The following HMG20B variants were observed in gnomAD, a reference collection of about 807,000 sequenced individuals.
HMG20B encodes the protein high mobility group 20B, also known as SWI/SNF-related matrix-associated actin-dependent regulator of chromatin subfamily E member 1-related.
In HMG20B, 24 loss-of-function variants were observed where a neutral mutation model predicts 41.6. The ratio of observed to expected loss-of-function variants is 0.58; its 90% CI spans 0.42 to 0.81. The LOEUF is 0.81. Ranked by LOEUF, HMG20B falls within the 30% of genes least tolerant of loss-of-function variation. HMG20B has a pLI of 0.00. For synonymous variants in HMG20B, 251 were observed against 186.6 expected (o/e 1.34, Z -2.81); for missense variants, 461 against 444.0 (o/e 1.04, Z -0.34).
At position 3,574,490 on chromosome 19, in the gene HMG20B, C is replaced by G. The variant is rs756851937; in HGVS notation, c.255C>G (p.Arg85=). ...ACGTGCGCTTCCTGAACGAGCGGCGCGAGCAGATCCGCACGCGCCACCCGG... is the reference window on the plus strand; with the variant it reads ...ACGTGCGCTTCCTGAACGAGCGGCGGGAGCAGATCCGCACGCGCCACCCGG... ...TGYVRFLNER[R]EQIRTRHPDL... Residue 85 remains arginine, a synonymous_variant, in exon 4 of 10, where the codon CGC becomes CGG. Coordinates refer to ENST00000333651, the MANE Select transcript of HMG20B (RefSeq NM_006339.3). The G allele has an allele frequency of 6.2e-7, 1 of 1,607,544 alleles. No homozygotes were observed. The highest frequency in any genetic ancestry group is 8.5e-7 in the Non-Finnish European group (1 of 1,177,918).
intron 3 of HMG20B, 149 bp from the exon 4 acceptor site, chr19:3,574,234 G>C: frequency 2.8e-6 from 2 of 709,736 alleles, no homozygotes; most frequent in South Asian, 3.5e-5. Context: ...ACTGCTGACC[G>C]GGCCCTACCT....
chr19:3,573,561 C>A, intron 2 of HMG20B, 131 bp from the exon 3 acceptor site: 1 of 947,680 alleles, frequency 1.1e-6, no homozygotes, highest in Non-Finnish European at 1.5e-6. Context: ...CTGACCCCAT[C>A]AGACCCTGCC....
rs1324326499 is a variant in HMG20B, at chr19:3,578,736, T to A, written c.*215T>A. The A allele has an allele frequency of 1.3e-6, 1 of 775,490 alleles. No homozygotes were observed. Among genetic ancestry groups the A allele is most frequent in the Admixed American group, 1.8e-5 (1 of 55,422 alleles). The allele number at this position is 775,490 out of a possible 1,614,324, so 48.0% of individuals were successfully genotyped here. ...CCCGGAAAAAGCACTCGCTGCGCGA[T>A]ACACCCAGAAGAACCTCACAGCCGA... On this transcript the variant is annotated 3_prime_UTR_variant, in exon 10 of 10. Coordinates refer to ENST00000333651, the MANE Select transcript of HMG20B (RefSeq NM_006339.3).
In HMG20B at chr19:3,578,732, G is replaced by A. The variant is rs1426878433; in HGVS notation, c.*211G>A. 2.6e-6 allele frequency: 2 copies of A among 777,232 alleles called. No homozygotes were observed. Among genetic ancestry groups the A allele is most frequent in the Non-Finnish European group, 4.5e-6 (2 of 441,572 alleles). 48.1% of individuals were successfully genotyped at this position (777,232 alleles called of 1,614,324 possible). On this transcript the variant is annotated 3_prime_UTR_variant, in exon 10 of 10. Transcript: ENST00000333651. The stretch of plus-strand genomic sequence containing the variant: ...TGAACCCGGAAAAAGCACTCGCTGC[G>A]CGATACACCCAGAAGAACCTCACAG...
In HMG20B at chr19:3,573,282, C is replaced by A; in HGVS notation, c.-18-10C>A. ...GGCGCTACTCACCTCCGCCCGCGTC[C>A]GTGTTCCAGGTCCGGCCCGGAGCGG... On this transcript the variant is annotated splice_polypyrimidine_tract_variant and intron_variant, in intron 1 of 9. Coordinates refer to ENST00000333651, the MANE Select transcript of HMG20B (RefSeq NM_006339.3). 1 of 1,519,616 alleles carries A rather than the reference C, an allele frequency of 6.6e-7. No homozygotes were observed. The highest frequency in any genetic ancestry group is 8.8e-7 in the Non-Finnish European group (1 of 1,137,594). The allele number at this position is 1,519,616 out of a possible 1,614,324, so 94.1% of individuals were successfully genotyped here. A position where few individuals can be genotyped will look rare whatever the true frequency, so the allele number is the denominator to read the frequency against.
In HMG20B at chr19:3,574,454, G is replaced by C. The variant is rs758951352; in HGVS notation, c.219G>C (p.Pro73=). The C allele has an allele frequency of 2.8e-5, 45 of 1,609,102 alleles. No individual in the cohort carries two copies. The East Asian group carries it at 6.5e-4, about 23-fold the overall frequency. ...KKILPNGPKA[P]VTGYVRFLNE... ...TTCTGCCGAATGGGCCCAAGGCACC[G>C]GTCACGGGCTACGTGCGCTTCCTGA... Residue 73 remains proline (P), a synonymous_variant, in exon 4 of 10, where the codon CCG becomes CCC. Coordinates refer to ENST00000333651, the MANE Select transcript of HMG20B (RefSeq NM_006339.3).
chr19:3,574,292 C>CCCCCAAA, intron 3 of HMG20B, 91 bp from the exon 4 acceptor site: 3 of 939,772 alleles, frequency 3.2e-6, no homozygotes. Flanking sequence ...CCCCCATCCC[C>CCCCCAAA]GCCCATACGC....
In HMG20B at chr19:3,573,696, G is replaced by C; in HGVS notation, c.43G>C (p.Ala15Pro). The change falls in exon 3 of 10, where the codon GCG becomes CCG. Residue 15 changes from alanine to proline, a missense_variant. Ala to Pro is a conservative substitution (Grantham distance 27). Coordinates refer to ENST00000333651, the MANE Select transcript of HMG20B (RefSeq NM_006339.3). ...PKQPGAAAAP[A>P]GGKAPGQHGG... ...CCGCGGTATCCTTGGCTCCAGGCCG[G>C]CGGGCGGCAAGGCTCCGGGCCAGCA... 1 of 1,502,168 alleles carries C rather than the reference G, an allele frequency of 6.7e-7. No individual in the cohort carries two copies. Among genetic ancestry groups the C allele is most frequent in the South Asian group, 1.4e-5 (1 of 73,570 alleles). The allele number at this position is 1,502,168 out of a possible 1,614,324, so 93.1% of individuals were successfully genotyped here.
intron 3 of HMG20B, 21 bp from the exon 4 acceptor site, chr19:3,574,362 C>T: frequency 1.3e-6 from 2 of 1,542,814 alleles, no homozygotes; most frequent in Non-Finnish European, 1.8e-6. Context: ...CCCCTCCCAA[C>T]GACGCAGCCC....
Position 3,577,125 on chromosome 19 carries a change from C to G in HMG20B, c.808+18C>G. ...GGTGCCGGGTGCGGGCCACGCCCAT[C>G]TCCCAGTCCCGCCCCGGTCACCCGG... On this transcript the variant is annotated intron_variant, in intron 8 of 9. Coordinates refer to ENST00000333651, the MANE Select transcript of HMG20B (RefSeq NM_006339.3). 2.0e-6 allele frequency: 3 copies of G among 1,493,750 alleles called. No homozygotes were observed. Among genetic ancestry groups the G allele is most frequent in the Non-Finnish European group, 2.7e-6 (3 of 1,122,300 alleles). 92.5% of individuals were successfully genotyped at this position (1,493,750 alleles called of 1,614,324 possible).
At chr19:3,574,243 C>T (rs1253028541) in intron 3 of HMG20B, 140 bp from the exon 4 acceptor site, 3 of 769,876 alleles carry the variant, frequency 3.9e-6, no homozygotes, top group African/African-American at 3.5e-5. Flanking sequence ...CGGGCCCTAC[C>T]TCCATCTTTT....
chr19:3,578,206 G>C (rs1011956882), intron 9 of HMG20B, 93 bp downstream of exon 9: 2 of 1,505,660 alleles, frequency 1.3e-6, no homozygotes, highest in Non-Finnish European at 1.8e-6. Flanking sequence ...TGCTGGGTGG[G>C]ACTCCGCAGC....
intron 4 of HMG20B, 53 bp downstream of exon 4, chr19:3,574,639 C>A (rs1414163147): frequency 3.4e-6 from 5 of 1,474,482 alleles, no homozygotes; most frequent in Non-Finnish European, 2.7e-6. Context: ...GACTACCCCC[C>A]AGTAGCCCCG....
Position 3,573,798 on chromosome 19 carries a change from G to A in HMG20B, c.145G>A (p.Glu49Lys). The change falls in exon 3 of 10, where the codon GAG (glutamate) becomes AAG (lysine). Residue 49 changes from glutamate (E) to lysine (K), a missense_variant and splice_region_variant. Coordinates refer to ENST00000333651, the MANE Select transcript of HMG20B (RefSeq NM_006339.3). Reference sequence around the variant, plus strand: ...GGGCGAGAAGGGGTCCCACGAGGAGGAGGTGAGAGTCCCTGCGCTGAGCTG... The same window carrying A: ...GGGCGAGAAGGGGTCCCACGAGGAGAAGGTGAGAGTCCCTGCGCTGAGCTG... ...RAGEKGSHEE[E>K]PVKKRGWPKG... 3 of 1,585,618 alleles carry A rather than the reference G, an allele frequency of 1.9e-6. No individual in the cohort carries two copies. The highest frequency in any genetic ancestry group is 2.6e-6 in the Non-Finnish European group (3 of 1,169,894).
At chr19:3,573,115 C>T in intron 1 of HMG20B, 121 bp downstream of exon 1, 4 of 520,354 alleles carry the variant, frequency 7.7e-6, no homozygotes, top group Non-Finnish European at 1.3e-5. Flanking sequence ...GGGGGGCAAT[C>T]GCCCAACAAA....
At chr19:3,573,664 G>T (rs982169868) in intron 2 of HMG20B, 28 bp from the exon 3 acceptor site, 1 of 1,475,706 alleles carries the variant, frequency 6.8e-7, no homozygotes, top group Admixed American at 2.6e-5. Context: ...TCTTGGGACG[G>T]GGCTGACCGC....
At chr19:3,577,430 C>G (rs1293110728) in intron 8 of HMG20B, among the ~76,000 whole-genome samples, 2 of 149,104 alleles carry the variant, frequency 1.3e-5, no homozygotes. Context: ...TCTCCCGACG[C>G]GTCCCCGCTT....
At position 3,576,878 on chromosome 19, in the gene HMG20B, TC is replaced by T. The variant is rs751104148; in HGVS notation, c.593-8del. The T allele has an allele frequency of 1.5e-4, 228 of 1,558,550 alleles. No individual in the cohort carries two copies. Among genetic ancestry groups the T allele is most frequent in the Non-Finnish European group, 1.7e-4 (195 of 1,153,010 alleles). ...GGGGAGGCGCAGGCTTTGACCCCGCTCCCCCCGGCGCAGCGCGTGAGGCGGA... is the reference window on the plus strand; with the variant it reads ...GGGGAGGCGCAGGCTTTGACCCCGCTCCCCCGGCGCAGCGCGTGAGGCGGA... On this transcript the variant is annotated splice_polypyrimidine_tract_variant and intron_variant, in intron 7 of 9. Coordinates refer to ENST00000333651, the MANE Select transcript of HMG20B (RefSeq NM_006339.3).
In HMG20B at chr19:3,573,684, G is replaced by A. The variant is rs760347857; in HGVS notation, c.39-8G>A. 1.0e-5 allele frequency: 15 copies of A among 1,499,460 alleles called. No homozygotes were observed. The highest frequency in any genetic ancestry group is 1.2e-5 in the Non-Finnish European group (14 of 1,129,364). 92.9% of individuals were successfully genotyped at this position (1,499,460 alleles called of 1,614,324 possible). On this transcript the variant is annotated splice_polypyrimidine_tract_variant and splice_region_variant and intron_variant, in intron 2 of 9. Coordinates refer to ENST00000333651, the MANE Select transcript of HMG20B (RefSeq NM_006339.3). ...GGACGGGGCTGACCGCGGTATCCTT[G>A]GCTCCAGGCCGGCGGGCGGCAAGGC...
Sources: gnomAD v4.1 joint callset for allele counts (sites outside exome capture counted in the v4.1 genomes callset) on GRCh38, gnomAD v4.1.1 for gene constraint, MANE v1.5 for transcripts, NCBI Gene and HGNC (gene_info 2026-07-23, HGNC 2026-07-21) for gene names.